The following CCT3 variants were observed in gnomAD, a reference collection of about 807,000 sequenced individuals.
CCT3 encodes T-complex protein 1 subunit gamma.
A neutral mutation model predicts 65.3 loss-of-function variants in CCT3; 10 were observed. The observed-to-expected ratio is 0.15, with a 90% CI of 0.09 to 0.26. The LOEUF (loss-of-function observed/expected upper bound fraction) is 0.26. CCT3 is among the 10% of genes least tolerant of loss of function. CCT3 has a pLI of 1.00. For synonymous variants in CCT3, 225 were observed against 242.3 expected (o/e 0.93, Z 0.66); for missense variants, 626 against 708.7 (o/e 0.88, Z 1.33).
At position 156,333,552 on chromosome 1, in the gene CCT3, A is replaced by G; in HGVS notation, c.299T>C (p.Ile100Thr). 1 of 1,612,716 alleles carries G rather than the reference A, an allele frequency of 6.2e-7. No homozygotes were observed. The highest frequency in any genetic ancestry group is 1.1e-5 in the South Asian group (1 of 91,032). Residue 100 changes from isoleucine (I) to threonine (T), a missense_variant, in exon 5 of 14, where the codon ATT becomes ACT. Transcript: ENST00000295688. Reference protein sequence around the residue: ...EVGDGTTSVIILAGEMLSVAE... With the variant: ...EVGDGTTSVITLAGEMLSVAE... Reference sequence around the variant, plus strand: ...ACCTCTTATTCTCCTCTTACCAAGAATAATTACTGATGTGGTCCCATCTCC... The same window carrying G: ...ACCTCTTATTCTCCTCTTACCAAGAGTAATTACTGATGTGGTCCCATCTCC...
chr1:156,329,328 A>G (rs1452131142), intron 5 of CCT3, among the ~76,000 whole-genome samples: 2 of 119,040 alleles, frequency 1.7e-5, no homozygotes, highest in Non-Finnish European at 3.4e-5. Flanking sequence ...TTTTTTTGAG[A>G]CGGAATCTTG....
chr1:156,325,267 A>C (rs1275950196), intron 5 of CCT3, among the ~76,000 whole-genome samples, 178 bp from the exon 6 acceptor site: 2 of 152,204 alleles, frequency 1.3e-5, no homozygotes, highest in Admixed American at 6.5e-5. Flanking sequence ...TTATACAGAA[A>C]ACATCCTTGT....
At chr1:156,309,570 G>A (rs1024904159) in intron 13 of CCT3, among the ~76,000 whole-genome samples, 7 of 151,906 alleles carry the variant, frequency 4.6e-5, no homozygotes, top group Non-Finnish European at 7.4e-5. Flanking sequence ...GGGATTACAG[G>A]CCTGCACCAC....
At chr1:156,325,522 T>C (rs1430167413) in intron 5 of CCT3, among the ~76,000 whole-genome samples, 4 of 151,700 alleles carry the variant, frequency 2.6e-5, no homozygotes, top group Non-Finnish European at 4.4e-5. Context: ...AGTGAGACCC[T>C]ATCTCAAAAA....
chr1:156,322,445 G>C (rs1266690906), intron 6 of CCT3, among the ~76,000 whole-genome samples: 1 of 151,980 alleles, frequency 6.6e-6, no homozygotes, highest in East Asian at 1.9e-4. Context: ...AGTGAGCCGA[G>C]ATCATGCCAC....
chr1:156,310,797 C>A, intron 12 of CCT3, 108 bp from the exon 13 acceptor site: 1 of 1,443,274 alleles, frequency 6.9e-7, no homozygotes, highest in Non-Finnish European at 9.5e-7. Flanking sequence ...GGAAAAATGG[C>A]AATGACAGCA....
chr1:156,310,027 T>C (rs1664010825), intron 13 of CCT3, among the ~76,000 whole-genome samples: 1 of 81,442 alleles, frequency 1.2e-5, no homozygotes, highest in Non-Finnish European at 2.2e-5. Flanking sequence ...AACGGAGCGA[T>C]AGTCTGTTTC....
chr1:156,313,916 C>T (rs1212625831), intron 10 of CCT3, among the ~76,000 whole-genome samples: 2 of 152,006 alleles, frequency 1.3e-5, no homozygotes, highest in East Asian at 3.9e-4. Context: ...GGTGAAAACC[C>T]GTCTTTCCTA....
At position 156,329,989 on chromosome 1, in the gene CCT3, C is replaced by A. The variant is rs574607731; in HGVS notation, c.304+3558G>T. Among the ~76,000 whole-genome samples the A allele has an allele frequency of 1.4e-4, 21 of 151,144 alleles. No individual in the cohort carries two copies. In the South Asian group the frequency reaches 4.4e-3, roughly 32 times the overall value. Reference sequence around the variant, plus strand: ...GTAAGATAACTTAGAAAAGGATATACCCTATTAAGAAATTATTAGAACTGT... The same window carrying A: ...GTAAGATAACTTAGAAAAGGATATAACCTATTAAGAAATTATTAGAACTGT... On this transcript the variant is annotated intron_variant, in intron 5 of 13. Coordinates refer to ENST00000295688, the MANE Select transcript of CCT3 (RefSeq NM_005998.5).
In CCT3 at chr1:156,320,911, A is replaced by C; in HGVS notation, c.537T>G (p.Ala179=). The C allele has an allele frequency of 6.2e-7, 1 of 1,613,988 alleles. No homozygotes were observed. Among genetic ancestry groups the C allele is most frequent in the South Asian group, 1.1e-5 (1 of 91,066 alleles). The change falls in exon 7 of 14, where the codon GCT becomes GCG. Residue 179 remains alanine, a synonymous_variant. Coordinates refer to ENST00000295688, the MANE Select transcript of CCT3 (RefSeq NM_005998.5). ...TCTCCTCAAACTGTACCATCTTGAC[A>C]GCATCCAGGGCAATGTTGCAAGCCA... ...SSLACNIALD[A]VKMVQFEENG...
At chr1:156,322,850 A>C (rs1664615171) in intron 6 of CCT3, among the ~76,000 whole-genome samples, 1 of 152,060 alleles carries the variant, frequency 6.6e-6, no homozygotes, top group Non-Finnish European at 1.5e-5. Context: ...CAAGAGTGAA[A>C]CTCCGTCTCA....
intron 5 of CCT3, among the ~76,000 whole-genome samples, chr1:156,326,264 G>A (rs1195262155): frequency 1.3e-5 from 2 of 152,150 alleles, no homozygotes. Context: ...AGAAGGTCAA[G>A]GCTGCAGTGA....
At chr1:156,310,505 G>A (rs201084244) in intron 13 of CCT3, 53 bp downstream of exon 13, 12 of 1,335,642 alleles carry the variant, frequency 9.0e-6, no homozygotes, top group Non-Finnish European at 1.1e-5. Flanking sequence ...TAAATAAATA[G>A]ATAAATAAAT....
chr1:156,315,073 A>G (rs12037778), intron 10 of CCT3, among the ~76,000 whole-genome samples: 35,213 of 151,508 alleles, frequency 0.23, 4,751 homozygotes, highest in Non-Finnish European at 0.29. Flanking sequence ...CCCTTCTACC[A>G]CTCTTCTGCC....
Position 156,325,061 on chromosome 1 carries a change from G to T in CCT3, c.333C>A (p.His111Gln). 1 of 1,613,010 alleles carries T rather than the reference G, an allele frequency of 6.2e-7. No homozygotes were observed. Among genetic ancestry groups the T allele is most frequent in the Non-Finnish European group, 8.5e-7 (1 of 1,179,650 alleles). Residue 111 changes from histidine (H) to glutamine (Q), a missense_variant, in exon 6 of 14, where the codon CAC becomes CAA. Physicochemically the swap from His to Gln is conservative, Grantham distance 24 (BLOSUM62 0). Transcript: ENST00000295688. ...TTGGGTGCATCTGCTGCTCCAGGAA[G>T]TGCTCAGCTACAGACAGCATTTCCC... is the stretch of plus-strand genomic sequence containing the variant. ...LAGEMLSVAE[H>Q]FLEQQMHPTV... is the part of the protein sequence containing the mutation.
chr1:156,321,149 T>C (rs1664538461), intron 6 of CCT3, 124 bp from the exon 7 acceptor site: 1 of 744,292 alleles, frequency 1.3e-6, no homozygotes, highest in Admixed American at 2.8e-5. Flanking sequence ...TTTGTTCCTT[T>C]GGAGGAAACT....
intron 5 of CCT3, 83 bp downstream of exon 5, chr1:156,333,464 A>T: frequency 1.1e-6 from 1 of 939,270 alleles, no homozygotes; most frequent in Non-Finnish European, 1.7e-6. Flanking sequence ...TAATTAGTGG[A>T]TCTGTAACAG....
chr1:156,309,779 C>T (rs934495265), intron 13 of CCT3, among the ~76,000 whole-genome samples: 18 of 151,782 alleles, frequency 1.2e-4, no homozygotes, highest in Admixed American at 6.6e-4. Flanking sequence ...TGGCTCACAC[C>T]TGTAATCCTA....
intron 10 of CCT3, among the ~76,000 whole-genome samples, chr1:156,313,890 C>T (rs1202432399): frequency 6.6e-6 from 1 of 152,070 alleles, no homozygotes; most frequent in African/African-American, 2.4e-5. Context: ...GAGATTGAGA[C>T]CATCCTGGCC....
Sources: gnomAD v4.1 joint callset for allele counts (sites outside exome capture counted in the v4.1 genomes callset) on GRCh38, gnomAD v4.1.1 for gene constraint, MANE v1.5 for transcripts, NCBI Gene and HGNC (gene_info 2026-07-23, HGNC 2026-07-21) for gene names.